Variants in ANO1 observed in about 807,000 individuals in gnomAD.
The protein encoded by ANO1 is anoctamin 1.
In ANO1, 59 loss-of-function variants were observed where a neutral mutation model predicts 124.0. The ratio of observed to expected loss-of-function variants is 0.48; its 90% CI spans 0.39 to 0.59. The LOEUF (loss-of-function observed/expected upper bound fraction) is 0.59. Ranked by LOEUF, ANO1 falls within the 20% of genes least tolerant of loss-of-function variation. The probability of loss-of-function intolerance (pLI) is 0.00; values close to 1 mark genes in which losing one functional copy is unlikely to be tolerated. For missense variants in ANO1, 1,059 were observed against 1,328.0 expected (o/e 0.80, Z 3.15); for synonymous variants, 529 against 532.0 (o/e 0.99, Z 0.08).
At chr11:70,161,896 C>A (rs750904259) in intron 18 of ANO1, among the ~76,000 whole-genome samples, 163 bp downstream of exon 18, 2 of 152,206 alleles carry the variant, frequency 1.3e-5, no homozygotes, top group Non-Finnish European at 2.9e-5. Flanking sequence ...TGCTGAGGCT[C>A]CAGAGCAGCG....
Position 70,163,242 on chromosome 11 carries a change from G to C in ANO1, c.1893-41G>C, listed in dbSNP as rs371773069. ...GGGGGTCTCTCCCCGAGCTGAGCCA[G>C]GGGCTCATCTTTTCTCTAACGACCT... On this transcript the variant is annotated intron_variant, in intron 18 of 25. Transcript: ENST00000355303. 19 of 1,602,792 alleles carry C rather than the reference G, an allele frequency of 1.2e-5. No individual in the cohort carries two copies. The African/African-American group carries it at 1.5e-4, about 12-fold the overall frequency.
intron 12 of ANO1, 68 bp downstream of exon 12, chr11:70,149,860 G>C (rs760109254): frequency 6.4e-7 from 1 of 1,558,492 alleles, no homozygotes; most frequent in Non-Finnish European, 8.7e-7. Flanking sequence ...GGACCTCCTT[G>C]GGACTTACAC....
rs573879283 is a variant in ANO1, at chr11:70,116,557, G to A, written c.897+58G>A. On this transcript the variant is annotated intron_variant, in intron 8 of 25. Coordinates refer to ENST00000355303, the MANE Select transcript of ANO1 (RefSeq NM_018043.7). ...TGTCAGAGCCTGGAGGCGTTCTGGG[G>A]CGGGGTGGGCCTGCAGCTGGACCGA... The A allele has an allele frequency of 1.4e-4, 217 of 1,536,782 alleles. 2 individuals carry two copies. In the South Asian group the frequency reaches 2.4e-3, roughly 17 times the overall value.
intron 16 of ANO1, among the ~76,000 whole-genome samples, chr11:70,160,650 G>A (rs753837803): frequency 1.3e-5 from 2 of 152,218 alleles, no homozygotes; most frequent in African/African-American, 4.8e-5. Context: ...TCCCTGGGAG[G>A]TGGCTGTGAG....
chr11:70,048,992 G>A (rs141455229), intron 1 of ANO1, among the ~76,000 whole-genome samples: 3 of 152,168 alleles, frequency 2.0e-5, no homozygotes, highest in South Asian at 2.1e-4. Context: ...TACGCTTCCC[G>A]GACAAGCAGG....
chr11:70,141,789 C>T (rs2047162701), intron 11 of ANO1: 1 of 152,186 alleles, frequency 6.6e-6, no homozygotes, highest in African/African-American at 2.4e-5. Flanking sequence ...ATTATTTTTC[C>T]TCTGGTGTTT....
In ANO1 at chr11:70,034,429, C is replaced by T. The variant is rs1360117215; in HGVS notation, c.59-44113C>T. 2.0e-5 allele frequency among the ~76,000 whole-genome samples: 3 copies of T among 152,108 alleles called. No homozygotes were observed. The South Asian group carries it at 6.2e-4, about 32-fold the overall frequency. ...GGTGGAAGACACAAATATGGACAGACCACAAGGGCAGCTCAGATACCACCA... is the reference window on the plus strand; with the variant it reads ...GGTGGAAGACACAAATATGGACAGATCACAAGGGCAGCTCAGATACCACCA... On this transcript the variant is annotated intron_variant, in intron 1 of 27. Transcript: ENST00000531349.
rs746429209 is a variant in ANO1 at position 70,185,719 on chromosome 11, C to G, written c.2694+24C>G. On this transcript the variant is annotated intron_variant, in intron 25 of 25. Transcript: ENST00000355303. ...AGGTGCGGTGGGTCCCTCTTTGTTT[C>G]CGGTTTGAAGATGGGAGCATTTAGG... 17 of 1,611,282 alleles carry G rather than the reference C, an allele frequency of 1.1e-5. No individual in the cohort carries two copies. In the South Asian group the frequency reaches 1.9e-4, roughly 18 times the overall value.
intron 14 of ANO1, among the ~76,000 whole-genome samples, chr11:70,154,779 T>G (rs4625490): frequency 0.69 from 104,676 of 152,048 alleles, 36,169 homozygotes; most frequent in East Asian, 0.77. Flanking sequence ...GAAGTATGTA[T>G]TTTTAAACAC....
intron 1 of ANO1, among the ~76,000 whole-genome samples, chr11:70,024,071 C>T (rs1286675462): frequency 1.3e-5 from 2 of 152,230 alleles, no homozygotes; most frequent in African/African-American, 4.8e-5. Context: ...CTCTGCTGTT[C>T]TTTGGGTTGG....
rs574846573 is a variant in ANO1 at position 70,179,728 on chromosome 11, T to A, written c.2351-276T>A. Reference sequence around the variant, plus strand: ...GCGAACTAGCATTTAAACAGGTGCATGGGGAGATTGTGCAGAACCACTGAG... The same window carrying A: ...GCGAACTAGCATTTAAACAGGTGCAAGGGGAGATTGTGCAGAACCACTGAG... On this transcript the variant is annotated intron_variant, in intron 22 of 25. Transcript: ENST00000355303. Among the ~76,000 whole-genome samples the A allele has an allele frequency of 7.7e-4, 117 of 152,290 alleles. No individual in the cohort carries two copies. The South Asian group carries it at 0.024, about 31-fold the overall frequency.
chr11:70,014,558 G>A (rs1856665954), intron 1 of ANO1, among the ~76,000 whole-genome samples: 1 of 152,102 alleles, frequency 6.6e-6, no homozygotes, highest in Non-Finnish European at 1.5e-5. Context: ...TGCTGCTGCT[G>A]GTCTGTGGGT....
At chr11:70,003,136 ATACACATATT>A (rs1278273527) in intron 1 of ANO1, among the ~76,000 whole-genome samples, 1 of 152,220 alleles carries the variant, frequency 6.6e-6, no homozygotes, top group Non-Finnish European at 1.5e-5. Flanking sequence ...TCACTCTAAA[ATACACATATT>A]TACAGACCAA....
In ANO1 at chr11:70,159,557, C is replaced by T. The variant is rs1590885013; in HGVS notation, c.1579-1604C>T. On this transcript the variant is annotated intron_variant, in intron 16 of 25. Coordinates refer to ENST00000355303, the MANE Select transcript of ANO1 (RefSeq NM_018043.7). ...TTGGGAGTTTCATTCAGCGAACAAA[C>T]GTTGGTTGAGCACCTAGGATGTGCC... 1.3e-5 allele frequency among the ~76,000 whole-genome samples: 2 copies of T among 152,220 alleles called. 1 individual carries two copies. Among genetic ancestry groups the T allele is most frequent in the South Asian group, 4.1e-4 (2 of 4,836 alleles).
At position 70,010,171 on chromosome 11, in the gene ANO1, G is replaced by A. The variant is rs80207394; in HGVS notation, c.58+24005G>A. 4.6e-4 allele frequency among the ~76,000 whole-genome samples: 23 copies of A among 50,308 alleles called. 1 individual carries two copies. Among genetic ancestry groups the A allele is most frequent in the South Asian group, 4.4e-3 (5 of 1,148 alleles). 33.0% of individuals were successfully genotyped at this position (50,308 alleles called of 152,430 possible). A position where few individuals can be genotyped will look rare whatever the true frequency, so the allele number is the denominator to read the frequency against. On this transcript the variant is annotated intron_variant, in intron 1 of 27. Coordinates refer to the ANO1 transcript ENST00000531349. ...TGTGTGTGTGTGTGTGTGTGCGCGT[G>A]TGTGTGTGTATATATATATATATAT...
intron 11 of ANO1, among the ~76,000 whole-genome samples, chr11:70,136,665 G>A (rs770911270): frequency 8.8e-5 from 13 of 147,266 alleles, no homozygotes; most frequent in African/African-American, 2.2e-4. Flanking sequence ...TGTCGTCGGC[G>A]TCTGCACTTG....
intron 2 of ANO1, among the ~76,000 whole-genome samples, chr11:70,095,299 G>GAAGGAAGGAAGGAAGGAAGGAAGGAAA (rs1590713927): frequency 3.9e-5 from 2 of 50,974 alleles, no homozygotes; most frequent in African/African-American, 1.8e-4. Context: ...AAGGAAGGAA[G>GAAGGAAGGAAGGAAGGAAGGAAGGAAA]GAAAGAAAGA....
chr11:70,155,770 C>T, intron 14 of ANO1, 141 bp from the exon 15 acceptor site: 1 of 672,200 alleles, frequency 1.5e-6, no homozygotes, highest in Non-Finnish European at 2.4e-6. Context: ...GAACCCGAGT[C>T]AGCCTTGGCA....
chr11:70,189,216 G>T lies in ANO1; in HGVS notation c.*1212G>T, dbSNP rs1417463929. On this transcript the variant is annotated 3_prime_UTR_variant, in exon 26 of 26. Transcript: ENST00000355303. ...GAAACATCATTTTAGCAAAGGCCAG[G>T]AGGAAAAATAGAAATAAATTTGTCT... 2.0e-5 allele frequency: 3 copies of T among 152,584 alleles called. No homozygotes were observed. The allele number at this position is 152,584 out of a possible 1,614,324, so 9.5% of individuals were successfully genotyped here.
Sources: allele counts gnomAD v4.1 joint callset (sites outside exome capture counted in the v4.1 genomes callset), GRCh38; gene constraint gnomAD v4.1.1; transcripts MANE v1.5; gene names NCBI Gene and HGNC (gene_info 2026-07-23, HGNC 2026-07-21).